Variants in CDH26 observed in about 807,000 individuals in gnomAD.
CDH26 encodes cadherin 26, also known as cadherin-like protein 26.
Under a neutral mutation model 90.3 loss-of-function variants are expected in CDH26, and 83 were observed. The ratio of observed to expected loss-of-function variants is 0.92; its 90% CI spans 0.77 to 1.10. The LOEUF (loss-of-function observed/expected upper bound fraction) is 1.10, where lower values mean the gene tolerates loss of function less well. CDH26 is among the 50% of genes least tolerant of loss of function. CDH26 has a pLI of 0.00. For missense variants in CDH26, 1,013 were observed against 1,037.6 expected (o/e 0.98, Z 0.33); for synonymous variants, 397 against 396.3 (o/e 1.00, Z -0.02).
intron 4 of CDH26, among the ~76,000 whole-genome samples, chr20:59,981,591 C>T (rs1445216348): frequency 1.3e-5 from 2 of 152,038 alleles, no homozygotes; most frequent in Non-Finnish European, 2.9e-5. Flanking sequence ...GTTGAATCAG[C>T]CTAAAATTCT....
intron 7 of CDH26, among the ~76,000 whole-genome samples, chr20:59,986,760 C>G (rs1464047407): frequency 6.6e-6 from 1 of 151,830 alleles, no homozygotes; most frequent in Admixed American, 6.6e-5. Flanking sequence ...ATAAATGATG[C>G]AAACAATTAT....
At chr20:59,967,857 CT>C (rs1246199894) in intron 1 of CDH26, among the ~76,000 whole-genome samples, 241 of 104,626 alleles carry the variant, frequency 2.3e-3, no homozygotes, top group African/African-American at 0.011. Flanking sequence ...TTCTTTCTTT[CT>C]TTCTTTCTTT....
At chr20:59,960,542 C>T (rs955434828) in intron 1 of CDH26, among the ~76,000 whole-genome samples, 1 of 152,116 alleles carries the variant, frequency 6.6e-6, no homozygotes, top group African/African-American at 2.4e-5. Flanking sequence ...GCACAAAGGC[C>T]GTTAAAACCT....
chr20:60,001,804 C>A (rs1005397046), intron 15 of CDH26, among the ~76,000 whole-genome samples: 4 of 152,188 alleles, frequency 2.6e-5, no homozygotes, highest in African/African-American at 9.7e-5. Context: ...GCCTGACTTC[C>A]CATCTGTGTT....
intron 1 of CDH26, among the ~76,000 whole-genome samples, chr20:59,963,739 G>C (rs2061108838): frequency 6.6e-6 from 1 of 151,978 alleles, no homozygotes; most frequent in Non-Finnish European, 1.5e-5. Flanking sequence ...CCAGAAGAGA[G>C]ATATTGGGTA....
intron 4 of CDH26, among the ~76,000 whole-genome samples, chr20:59,975,124 A>G (rs1379592773): frequency 6.6e-6 from 1 of 152,122 alleles, no homozygotes; most frequent in Non-Finnish European, 1.5e-5. Flanking sequence ...GTGTCTCCCA[A>G]AAATACATGT....
intron 1 of CDH26, among the ~76,000 whole-genome samples, chr20:59,967,968 TTTC>T: frequency 1.1e-5 from 1 of 91,270 alleles, no homozygotes; most frequent in Non-Finnish European, 2.1e-5. Context: ...TCTTTCTTTC[TTTC>T]TTTCTTTCTT....
intron 1 of CDH26, among the ~76,000 whole-genome samples, chr20:59,966,080 A>T (rs1375433610): frequency 6.6e-6 from 1 of 152,096 alleles, no homozygotes; most frequent in Non-Finnish European, 1.5e-5. Context: ...TTGAAAGATT[A>T]CATTTATCAG....
chr20:60,021,867 C>CACACACACACACATACAT (rs1555903633), intron 7 of CDH26, among the ~76,000 whole-genome samples: 1 of 90,404 alleles, frequency 1.1e-5, no homozygotes, highest in Non-Finnish European at 2.5e-5. Context: ...CACACACACA[C>CACACACACACACATACAT]ACACACACAC....
At chr20:59,999,771 T>A in intron 14 of CDH26, 108 bp downstream of exon 14, 1 of 1,007,416 alleles carries the variant, frequency 9.9e-7, no homozygotes, top group Non-Finnish European at 1.5e-6. Flanking sequence ...TCCAGGGAGG[T>A]TCTTCTTCAA....
intron 7 of CDH26, among the ~76,000 whole-genome samples, chr20:60,029,211 A>G (rs1346836105): frequency 6.6e-6 from 1 of 152,196 alleles, no homozygotes; most frequent in African/African-American, 2.4e-5. Flanking sequence ...CAACGGGTAT[A>G]AAGTTACAGT....
intron 4 of CDH26, among the ~76,000 whole-genome samples, chr20:59,977,674 C>G (rs1486226968): frequency 7.1e-6 from 1 of 141,250 alleles, no homozygotes; most frequent in Non-Finnish European, 1.5e-5. Context: ...TCCCCCTACC[C>G]CCTCCCTTCA....
chr20:60,004,710 G>A (rs1408762995), intron 16 of CDH26, among the ~76,000 whole-genome samples: 1 of 145,732 alleles, frequency 6.9e-6, no homozygotes, highest in Non-Finnish European at 1.5e-5. Flanking sequence ...CGCTTGCAGT[G>A]AGCCAAGATC....
intron 15 of CDH26, chr20:60,001,665 A>G (rs773651892): frequency 3.1e-5 from 29 of 940,050 alleles, no homozygotes; most frequent in Non-Finnish European, 3.6e-5. Context: ...TTTTTAGAGC[A>G]TCCACAAATA....
chr20:59,999,710 CTGG>C (rs753047007), intron 14 of CDH26, 47 bp downstream of exon 14: 10 of 1,578,552 alleles, frequency 6.3e-6, no homozygotes, highest in Non-Finnish European at 7.0e-6. Flanking sequence ...AGTGACTTTC[CTGG>C]TGGTTTCCCT....
At position 59,986,067 on chromosome 20, in the gene CDH26, A is replaced by G. The variant is rs559514678; in HGVS notation, c.837+938A>G. The G allele has an allele frequency of 7.2e-5, 11 of 152,386 alleles. No homozygotes were observed. The South Asian group carries it at 2.3e-3, about 32-fold the overall frequency. The allele number at this position is 152,386 out of a possible 1,614,324, so 9.4% of individuals were successfully genotyped here. ...GTAGCACCCCTCAGCTGTGACAACC[A>G]AAAGTGTCACCAGACATTGCCAAAT... On this transcript the variant is annotated intron_variant, in intron 7 of 17. Coordinates refer to ENST00000348616, the MANE Select transcript of CDH26 (RefSeq NM_177980.4).
intron 4 of CDH26, among the ~76,000 whole-genome samples, chr20:59,975,250 A>G (rs189815322): frequency 2.4e-3 from 362 of 152,282 alleles, no homozygotes; most frequent in Admixed American, 4.8e-3. Context: ...TAACCCAGTG[A>G]CCAGTATTTT....
At chr20:60,009,177 A>G (rs1250820065) in intron 17 of CDH26, among the ~76,000 whole-genome samples, 1 of 152,224 alleles carries the variant, frequency 6.6e-6, no homozygotes, top group Admixed American at 6.5e-5. Flanking sequence ...AAGTTGCTCC[A>G]ATGGTAAAGG....
intron 7 of CDH26, among the ~76,000 whole-genome samples, chr20:60,024,183 C>CT (rs1454013413): frequency 1.3e-5 from 2 of 152,244 alleles, no homozygotes; most frequent in African/African-American, 4.8e-5. Flanking sequence ...AGTGATTCCT[C>CT]TGGGGGGTTG....
Sources: allele counts gnomAD v4.1 joint callset (sites outside exome capture counted in the v4.1 genomes callset), GRCh38; gene constraint gnomAD v4.1.1; transcripts MANE v1.5; gene names NCBI Gene and HGNC (gene_info 2026-07-23, HGNC 2026-07-21).